The following ZNF208 variants were observed in gnomAD, a reference collection of about 807,000 sequenced individuals.
ZNF208 encodes zinc finger protein 208.
A neutral mutation model predicts 12.1 loss-of-function variants in ZNF208; 10 were observed. The observed-to-expected ratio is 0.83, with a 90% CI of 0.51 to 1.40. The LOEUF (loss-of-function observed/expected upper bound fraction) is 1.40. ZNF208 is among the 40% of genes most tolerant of loss of function. The pLI, the probability that ZNF208 is intolerant of heterozygous loss-of-function variation, is 0.00. For missense variants in ZNF208, 1,652 were observed against 1,485.0 expected (o/e 1.11, Z -1.85); for synonymous variants, 497 against 488.4 (o/e 1.02, Z -0.23).
At chr19:22,010,039 A>C (rs529749616) in intron 1 of ZNF208, among the ~76,000 whole-genome samples, 1 of 151,978 alleles carries the variant, frequency 6.6e-6, no homozygotes, top group African/African-American at 2.4e-5. Flanking sequence ...CAAAAAAGTA[A>C]CCGAGCGTGG....
At chr19:21,989,791 G>A (rs1210437433) in intron 1 of ZNF208, among the ~76,000 whole-genome samples, 1 of 152,116 alleles carries the variant, frequency 6.6e-6, no homozygotes, top group African/African-American at 2.4e-5. Flanking sequence ...GGTGTGAGAT[G>A]GTATCTCATT....
chr19:21,971,107 G>C lies in ZNF208; in HGVS notation c.*84C>G, dbSNP rs1048598060. 62 of 1,612,880 alleles carry C rather than the reference G, an allele frequency of 3.8e-5. No homozygotes were observed. The African/African-American group carries it at 7.0e-4, about 18-fold the overall frequency. ...AAGCCTCACCACATTCTTCACATTT[G>C]TAGGGTTTCTCTCCAGTATGAATTT... On this transcript the variant is annotated 3_prime_UTR_variant, in exon 4 of 4. Transcript: ENST00000397126.
At chr19:21,993,448 G>T (rs557128604) in intron 1 of ZNF208, among the ~76,000 whole-genome samples, 7 of 151,752 alleles carry the variant, frequency 4.6e-5, no homozygotes, top group Admixed American at 4.6e-4. Context: ...CAGAATCCAT[G>T]GACAGGGCAC....
rs531641398 is a variant in ZNF208 at position 22,010,781 on chromosome 19, G to C, written c.3+11C>G. Reference sequence around the variant, plus strand: ...GCCACTCTCTCAGTGTGTCGGACCCGGCACACTCACCATTTCTAGGCTTCC... The same window carrying C: ...GCCACTCTCTCAGTGTGTCGGACCCCGCACACTCACCATTTCTAGGCTTCC... On this transcript the variant is annotated intron_variant, in intron 1 of 3. Transcript: ENST00000397126. 2 of 1,614,128 alleles carry C rather than the reference G, an allele frequency of 1.2e-6. No individual in the cohort carries two copies. The highest frequency in any genetic ancestry group is 1.7e-6 in the Non-Finnish European group (2 of 1,180,014).
intron 1 of ZNF208, chr19:21,991,376 G>C (rs986452770): frequency 4.6e-5 from 7 of 152,128 alleles, no homozygotes; most frequent in Non-Finnish European, 1.0e-4. Flanking sequence ...TATTTTTCTA[G>C]ATAATAAAGT....
rs1970266774 is a variant in ZNF208, at chr19:21,970,898, G to C, written c.*293C>G. Reference sequence around the variant, plus strand: ...TATGAATTTTCTATGATAACTGAGGGTTGAGGACCACTTATAGGCTTTGCC... The same window carrying C: ...TATGAATTTTCTATGATAACTGAGGCTTGAGGACCACTTATAGGCTTTGCC... On this transcript the variant is annotated 3_prime_UTR_variant, in exon 4 of 4. Transcript: ENST00000397126. Among the ~76,000 whole-genome samples the C allele has an allele frequency of 6.6e-6, 1 of 151,744 alleles. No individual in the cohort carries two copies. The highest frequency in any genetic ancestry group is 1.5e-5 in the Non-Finnish European group (1 of 67,924).
rs1280598860 is a variant in ZNF208 at position 21,970,532 on chromosome 19, C to T, written c.*659G>A. 8 of 560,256 alleles carry T rather than the reference C, an allele frequency of 1.4e-5. No homozygotes were observed. The highest frequency in any genetic ancestry group is 4.7e-5 in the East Asian group (1 of 21,208). The allele number at this position is 560,256 out of a possible 1,614,324, so 34.7% of individuals were successfully genotyped here. A position where few individuals can be genotyped will look rare whatever the true frequency, so the allele number is the denominator to read the frequency against. ...ATTTTTCATATTTGTAGGGTTTTTC[C>T]TCCAGTATGAATTCTTTTATGAGTA... is the stretch of plus-strand genomic sequence containing the variant. On this transcript the variant is annotated 3_prime_UTR_variant, in exon 4 of 4. Transcript: ENST00000397126.
downstream of ZNF208, among the ~76,000 whole-genome samples, chr19:21,963,468 G>C (rs774045338): frequency 6.6e-6 from 1 of 151,978 alleles, no homozygotes; most frequent in Non-Finnish European, 1.5e-5. Flanking sequence ...TCTGAACATA[G>C]AATTTTCCAT....
intron 4 of ZNF208, among the ~76,000 whole-genome samples, chr19:21,945,747 A>G (rs1022478552): frequency 7.2e-5 from 11 of 152,172 alleles, no homozygotes; most frequent in Non-Finnish European, 1.0e-4. Context: ...AGCTAAGGTA[A>G]AACTAAAGCA....
intron 1 of ZNF208, among the ~76,000 whole-genome samples, chr19:21,994,345 A>C (rs1472857620): frequency 3.9e-5 from 6 of 152,292 alleles, no homozygotes; most frequent in Non-Finnish European, 5.9e-5. Context: ...AGTTTCAGAA[A>C]ATGTTGAACA....
In ZNF208 at chr19:22,010,810, G is replaced by T. The variant is rs1385138554; in HGVS notation, c.-16C>A. The T allele has an allele frequency of 3.7e-6, 6 of 1,613,986 alleles. No individual in the cohort carries two copies. Among genetic ancestry groups the T allele is most frequent in the Non-Finnish European group, 5.1e-6 (6 of 1,179,980 alleles). On this transcript the variant is annotated 5_prime_UTR_variant, in exon 1 of 4. Transcript: ENST00000397126. The stretch of plus-strand genomic sequence containing the variant: ...CACTCACCATTTCTAGGCTTCCAGG[G>T]GGTCCTGGCGACTTAGTTGTGGATC...
chr19:21,989,016 C>T (rs936255536), intron 1 of ZNF208, 107 bp from the exon 2 acceptor site: 2 of 1,399,436 alleles, frequency 1.4e-6, no homozygotes, highest in Non-Finnish European at 1.9e-6. Flanking sequence ...GACTTATAAG[C>T]ATGACTGAAA....
intron 4 of ZNF208, among the ~76,000 whole-genome samples, chr19:21,944,131 T>C (rs1394901907): frequency 6.6e-6 from 1 of 152,236 alleles, no homozygotes; most frequent in African/African-American, 2.4e-5. Flanking sequence ...GATATTTCCC[T>C]CAGTCTTTTC....
chr19:21,977,894 G>A (rs1970462778), intron 3 of ZNF208, among the ~76,000 whole-genome samples: 1 of 152,184 alleles, frequency 6.6e-6, no homozygotes, highest in African/African-American at 2.4e-5. Context: ...GAGCTTGGTG[G>A]GGGAAGGGCG....
Position 21,973,576 on chromosome 19 carries a change from A to G in ZNF208, c.1458T>C (p.Cys486=), listed in dbSNP as rs375436967. 91 of 1,609,734 alleles carry G rather than the reference A, an allele frequency of 5.7e-5. 1 individual carries two copies. The Middle Eastern group carries it at 8.3e-4, about 15-fold the overall frequency. ...NGEKPYKCEE[C]DKATHAGEKP... is the part of the protein sequence containing the mutation. The stretch of plus-strand genomic sequence containing the variant: ...TCTCTCCAGCATGAGTTGCCTTATC[A>G]CATTCTTCACATTTGTAGGGTTTCT... The change falls in exon 4 of 4, where the codon TGT becomes TGC. Residue 486 remains cysteine, a synonymous_variant. Transcript: ENST00000397126.
intron 1 of ZNF208, among the ~76,000 whole-genome samples, chr19:21,999,490 T>C (rs1379989176): frequency 6.6e-6 from 1 of 152,186 alleles, no homozygotes; most frequent in African/African-American, 2.4e-5. Context: ...TGTAAGTATG[T>C]CAGCCAGCAA....
intron 1 of ZNF208, among the ~76,000 whole-genome samples, chr19:21,995,931 T>C (rs886568304): frequency 1.3e-5 from 2 of 152,204 alleles, no homozygotes; most frequent in African/African-American, 2.4e-5. Flanking sequence ...AGAAAATGCC[T>C]CCTGTTGGTT....
chr19:21,992,815 A>G (rs1234829955), intron 1 of ZNF208, among the ~76,000 whole-genome samples: 1 of 152,224 alleles, frequency 6.6e-6, no homozygotes, highest in Non-Finnish European at 1.5e-5. Flanking sequence ...AATAGTTAAG[A>G]CAAACTCATT....
At position 21,973,262 on chromosome 19, in the gene ZNF208, T is replaced by G; in HGVS notation, c.1772A>C (p.Asn591Thr). Reference protein sequence around the residue: ...YKCEECGKAFNQSAILIKHKR... With the variant: ...YKCEECGKAFTQSAILIKHKR... ...ATGTTTAATAAGAATTGCAGATTGG[T>G]TAAAAGCTTTGCCACATTCTTCACA... Residue 591 changes from asparagine (N) to threonine (T), a missense_variant, in exon 4 of 4, where the codon AAC becomes ACC. Coordinates refer to ENST00000397126, the MANE Select transcript of ZNF208 (RefSeq NM_007153.3). 1 of 1,612,230 alleles carries G rather than the reference T, an allele frequency of 6.2e-7. No homozygotes were observed. Among genetic ancestry groups the G allele is most frequent in the Non-Finnish European group, 8.5e-7 (1 of 1,179,528 alleles).
Sources: allele counts gnomAD v4.1 joint callset (sites outside exome capture counted in the v4.1 genomes callset), GRCh38; gene constraint gnomAD v4.1.1; transcripts MANE v1.5; gene names NCBI Gene and HGNC (gene_info 2026-07-23, HGNC 2026-07-21).